The following RNF11 variants were observed in gnomAD, a reference collection of about 807,000 sequenced individuals.
RNF11 encodes the protein ring finger protein 11.
RNF11 carries 4 observed loss-of-function variants against 15.8 expected under a neutral mutation model. That is an observed-to-expected ratio of 0.25 (90% CI 0.12 to 0.58). RNF11 has a LOEUF of 0.58. RNF11 is among the 20% of genes least tolerant of loss of function. The pLI is 0.91. For synonymous variants in RNF11, 68 were observed against 72.3 expected (o/e 0.94, Z 0.30); for missense variants, 139 against 194.4 (o/e 0.71, Z 1.70).
rs1047618370 is a variant in RNF11, at chr1:51,251,071, C to T, written c.123+14192C>T. The T allele has an allele frequency of 2.6e-5, 41 of 1,548,476 alleles. No homozygotes were observed. The East Asian group carries it at 8.1e-4, about 31-fold the overall frequency. On this transcript the variant is annotated intron_variant, in intron 1 of 2. Coordinates refer to ENST00000242719, the MANE Select transcript of RNF11 (RefSeq NM_014372.5). ...TTGGAGCACTTAACACCCAGACCGACGTGGCCATTGTAGTCCCCGATAGCA... is the reference window on the plus strand; with the variant it reads ...TTGGAGCACTTAACACCCAGACCGATGTGGCCATTGTAGTCCCCGATAGCA...
intron 2 of RNF11, among the ~76,000 whole-genome samples, chr1:51,270,857 A>G (rs1646975153): frequency 6.6e-6 from 1 of 152,240 alleles, no homozygotes; most frequent in African/African-American, 2.4e-5. Context: ...GGTATCTGCT[A>G]TAATATGTAG....
chr1:51,249,146 AG>A (rs1646866056), intron 1 of RNF11, among the ~76,000 whole-genome samples: 1 of 152,172 alleles, frequency 6.6e-6, no homozygotes, highest in African/African-American at 2.4e-5. Flanking sequence ...ATGAATTTAG[AG>A]GTCATTGAGT....
chr1:51,261,559 A>G (rs1407728997), intron 1 of RNF11, among the ~76,000 whole-genome samples: 5 of 152,234 alleles, frequency 3.3e-5, no homozygotes, highest in African/African-American at 4.8e-5. Flanking sequence ...GCCCAAATAT[A>G]TATGGAGTCT....
At chr1:51,244,737 A>C (rs1326139599) in intron 1 of RNF11, among the ~76,000 whole-genome samples, 4 of 152,192 alleles carry the variant, frequency 2.6e-5, no homozygotes, top group African/African-American at 9.7e-5. Flanking sequence ...ATAAGTAACC[A>C]GTTATTTGTT....
chr1:51,262,653 T>A (rs1646935809), intron 1 of RNF11, among the ~76,000 whole-genome samples: 1 of 151,976 alleles, frequency 6.6e-6, no homozygotes, highest in African/African-American at 2.4e-5. Context: ...TTCAAGCAGT[T>A]CTTGTGCGTC....
chr1:51,246,095 G>A (rs150595340), intron 1 of RNF11, among the ~76,000 whole-genome samples: 4,676 of 152,078 alleles, frequency 0.031, 106 homozygotes, highest in African/African-American at 0.06. Flanking sequence ...GAGAAACCCC[G>A]TCTCTACTAA....
At chr1:51,241,958 T>G (rs1191551311) in intron 1 of RNF11, among the ~76,000 whole-genome samples, 2 of 152,192 alleles carry the variant, frequency 1.3e-5, no homozygotes, top group Non-Finnish European at 2.9e-5. Flanking sequence ...TAATATTCAT[T>G]GAACAACAAA....
intron 1 of RNF11, chr1:51,250,920 C>A (rs926917025): frequency 1.8e-6 from 2 of 1,099,298 alleles, no homozygotes; most frequent in South Asian, 1.3e-5. Context: ...AGAGCCGCAG[C>A]GGCCTGTCAC....
intron 1 of RNF11, among the ~76,000 whole-genome samples, chr1:51,256,676 GTTGTTA>G (rs1476453331): frequency 3.3e-5 from 5 of 151,940 alleles, no homozygotes; most frequent in Non-Finnish European, 5.9e-5. Context: ...TGTTGTTGTT[GTTGTTA>G]TTGTTTTTTG....
intron 1 of RNF11, among the ~76,000 whole-genome samples, chr1:51,267,519 T>G (rs1646960449): frequency 6.6e-6 from 1 of 152,234 alleles, no homozygotes; most frequent in Non-Finnish European, 1.5e-5. Context: ...TATCTCCTAG[T>G]GGAGTCACAC....
At chr1:51,256,456 A>G (rs908608056) in intron 1 of RNF11, among the ~76,000 whole-genome samples, 25 of 152,194 alleles carry the variant, frequency 1.6e-4, no homozygotes, top group African/African-American at 4.8e-5. Flanking sequence ...TAGTTTATCT[A>G]TTTACCTATC....
At position 51,271,513 on chromosome 1, in the gene RNF11, G is replaced by A; in HGVS notation, c.*191G>A. On this transcript the variant is annotated 3_prime_UTR_variant, in exon 3 of 3. Coordinates refer to ENST00000242719, the MANE Select transcript of RNF11 (RefSeq NM_014372.5). ...AGAAACTTAGTGGGAAAAGTAGGAT[G>A]GTATTTTTATGTAAAGCCTTGACCC... 4 of 508,168 alleles carry A rather than the reference G, an allele frequency of 7.9e-6. No homozygotes were observed. The highest frequency in any genetic ancestry group is 1.1e-5 in the Non-Finnish European group (3 of 284,892). The allele number at this position is 508,168 out of a possible 1,614,324, so 31.5% of individuals were successfully genotyped here.
At chr1:51,251,493 A>G in intron 1 of RNF11, 1 of 601,680 alleles carries the variant, frequency 1.7e-6, no homozygotes, top group Non-Finnish European at 2.9e-6. Context: ...CTCGGAGAAG[A>G]AAGGATTTGT....
At chr1:51,237,530 TTAAG>T (rs988379545) in intron 1 of RNF11, among the ~76,000 whole-genome samples, 1 of 151,514 alleles carries the variant, frequency 6.6e-6, no homozygotes, top group Middle Eastern at 3.2e-3. Flanking sequence ...ACGTGCTGAC[TTAAG>T]AAAACTTGAT....
At chr1:51,239,637 A>G (rs1406640119) in intron 1 of RNF11, among the ~76,000 whole-genome samples, 1 of 152,110 alleles carries the variant, frequency 6.6e-6, no homozygotes, top group African/African-American at 2.4e-5. Context: ...GGCAGCCTCA[A>G]ACTCCTGGCT....
At chr1:51,257,986 T>C (rs931781234) in intron 1 of RNF11, among the ~76,000 whole-genome samples, 1 of 151,118 alleles carries the variant, frequency 6.6e-6, no homozygotes, top group African/African-American at 2.4e-5. Flanking sequence ...CCCGAGTAGC[T>C]GGGATTATAG....
At chr1:51,243,927 C>G (rs1646840996) in intron 1 of RNF11, among the ~76,000 whole-genome samples, 1 of 152,146 alleles carries the variant, frequency 6.6e-6, no homozygotes, top group South Asian at 2.1e-4. Context: ...CTGTCTTTGC[C>G]CATTCTGTAT....
rs1646986988 is a variant in RNF11, at chr1:51,273,043, T to A, written c.*1721T>A. On this transcript the variant is annotated 3_prime_UTR_variant, in exon 3 of 3. Transcript: ENST00000242719. ...GTTCTGTTAAATTGTTACATGTATC[T>A]TGCTTAAATTTCTGTTTATTAATTT... The A allele has an allele frequency of 6.6e-6, 1 of 152,188 alleles. No individual in the cohort carries two copies. Among genetic ancestry groups the A allele is most frequent in the Non-Finnish European group, 1.5e-5 (1 of 68,002 alleles). 9.4% of individuals were successfully genotyped at this position (152,188 alleles called of 1,614,324 possible). A position where few individuals can be genotyped will look rare whatever the true frequency, so the allele number is the denominator to read the frequency against.
intron 1 of RNF11, among the ~76,000 whole-genome samples, chr1:51,252,012 G>A (rs1186224371): frequency 6.7e-6 from 1 of 149,960 alleles, no homozygotes; most frequent in Non-Finnish European, 1.5e-5. Flanking sequence ...CCGGGAGACA[G>A]GTCGCAGTGA....
Sources: gnomAD v4.1 joint callset for allele counts (sites outside exome capture counted in the v4.1 genomes callset) on GRCh38, gnomAD v4.1.1 for gene constraint, MANE v1.5 for transcripts, NCBI Gene and HGNC (gene_info 2026-07-23, HGNC 2026-07-21) for gene names.